Variants in APLF observed in about 807,000 individuals in gnomAD.
APLF encodes the protein aprataxin and PNK-like factor.
A neutral mutation model predicts 55.6 loss-of-function variants in APLF; 61 were observed. That is an observed-to-expected ratio of 1.10 (90% CI 0.89 to 1.36). The LOEUF is 1.36. Ranked by LOEUF, APLF falls within the 40% of genes most tolerant of loss-of-function variation. The pLI is 0.00. For synonymous variants in APLF, 207 were observed against 214.8 expected (o/e 0.96, Z 0.32); for missense variants, 611 against 602.5 (o/e 1.01, Z -0.15).
chr2:68,539,632 A>G (rs1217797257), intron 7 of APLF, among the ~76,000 whole-genome samples: 1 of 152,244 alleles, frequency 6.6e-6, no homozygotes, highest in African/African-American at 2.4e-5. Context: ...ACTTCATAAC[A>G]CAATTTAAAA....
intron 7 of APLF, among the ~76,000 whole-genome samples, chr2:68,539,204 A>G (rs1251236655): frequency 6.6e-6 from 1 of 152,216 alleles, no homozygotes; most frequent in South Asian, 2.1e-4. Flanking sequence ...CCATAATGTA[A>G]AAACTTGCAG....
At chr2:68,549,770 A>G (rs1205113950) in intron 8 of APLF, among the ~76,000 whole-genome samples, 1 of 152,152 alleles carries the variant, frequency 6.6e-6, no homozygotes, top group Non-Finnish European at 1.5e-5. Flanking sequence ...CTATGATTAT[A>G]GGTTTGTTTA....
chr2:68,512,812 T>C (rs1000583531), intron 3 of APLF, among the ~76,000 whole-genome samples: 66 of 151,884 alleles, frequency 4.3e-4, no homozygotes, highest in African/African-American at 1.5e-3. Flanking sequence ...AATAAAGAGC[T>C]CTTAAGCCTT....
chr2:68,561,974 A>G (rs1419379962), intron 8 of APLF, among the ~76,000 whole-genome samples: 3 of 152,050 alleles, frequency 2.0e-5, no homozygotes, highest in African/African-American at 7.2e-5. Context: ...TGTGTTGCAA[A>G]TGATGGAATC....
At chr2:68,516,939 A>G (rs1002754825) in intron 5 of APLF, among the ~76,000 whole-genome samples, 19 of 124,088 alleles carry the variant, frequency 1.5e-4, no homozygotes, top group Non-Finnish European at 2.4e-4. Context: ...AATATATAAT[A>G]TAATATATAT....
chr2:68,513,756 CTA>C lies in APLF; in HGVS notation c.622+79_622+80del, dbSNP rs1004311322. On this transcript the variant is annotated intron_variant, in intron 5 of 9. Transcript: ENST00000303795. ...ATTTGAAAGCTTTTCTGAAGAAAAA[CTA>C]TAAACTAGTTCTATAGAGATAGAGT... 5.1e-5 allele frequency: 78 copies of C among 1,515,366 alleles called. No individual in the cohort carries two copies. In the African/African-American group the frequency reaches 9.7e-4, roughly 19 times the overall value. 93.9% of individuals were successfully genotyped at this position (1,515,366 alleles called of 1,614,324 possible). A position where few individuals can be genotyped will look rare whatever the true frequency, so the allele number is the denominator to read the frequency against.
At chr2:68,473,993 C>T (rs1320225111) in intron 1 of APLF, among the ~76,000 whole-genome samples, 1 of 152,202 alleles carries the variant, frequency 6.6e-6, no homozygotes, top group African/African-American at 2.4e-5. Context: ...TTTACCTGTG[C>T]TTCTGAACCA....
chr2:68,550,509 T>A, intron 8 of APLF, among the ~76,000 whole-genome samples: 1 of 152,000 alleles, frequency 6.6e-6, no homozygotes, highest in Non-Finnish European at 1.5e-5. Flanking sequence ...TGGGATTACA[T>A]GCGTGAGCCA....
At chr2:68,525,556 G>A (rs569260157) in intron 5 of APLF, among the ~76,000 whole-genome samples, 12 of 152,028 alleles carry the variant, frequency 7.9e-5, no homozygotes, top group South Asian at 2.1e-4. Context: ...AGAAAGGTGC[G>A]ATGAAATAGT....
intron 1 of APLF, among the ~76,000 whole-genome samples, chr2:68,478,023 G>A (rs1675833196): frequency 6.6e-6 from 1 of 151,856 alleles, no homozygotes; most frequent in Non-Finnish European, 1.5e-5. Context: ...AAAAGGTGAT[G>A]TCTCATGAGT....
intron 2 of APLF, among the ~76,000 whole-genome samples, chr2:68,496,560 G>C (rs1214815940): frequency 6.6e-6 from 1 of 152,190 alleles, no homozygotes; most frequent in African/African-American, 2.4e-5. Context: ...TTGAATATGT[G>C]TTGCAACTTT....
In APLF at chr2:68,579,353, A is replaced by G. The variant is rs945452281; in HGVS notation, c.*1331A>G. The G allele has an allele frequency of 3.0e-5, 29 of 974,412 alleles. No individual in the cohort carries two copies. Among genetic ancestry groups the G allele is most frequent in the Non-Finnish European group, 6.1e-6 (5 of 820,010 alleles). 60.4% of individuals were successfully genotyped at this position (974,412 alleles called of 1,614,324 possible). On this transcript the variant is annotated 3_prime_UTR_variant, in exon 10 of 10. Transcript: ENST00000303795. The stretch of plus-strand genomic sequence containing the variant: ...CTTATAATGTCCCTTTAGCCTTGGT[A>G]GTATAACAAATCTACGAATGTAATA...
intron 5 of APLF, among the ~76,000 whole-genome samples, chr2:68,517,747 A>G (rs1418322814): frequency 6.9e-6 from 1 of 145,280 alleles, no homozygotes; most frequent in Non-Finnish European, 1.5e-5. Flanking sequence ...TATATCACTA[A>G]TATCTACTGT....
At chr2:68,550,285 G>T (rs1670820835) in intron 8 of APLF, among the ~76,000 whole-genome samples, 1 of 152,104 alleles carries the variant, frequency 6.6e-6, no homozygotes, top group African/African-American at 2.4e-5. Flanking sequence ...AGGCTGGGGT[G>T]CAGTGGCGCA....
intron 5 of APLF, among the ~76,000 whole-genome samples, chr2:68,518,768 T>C (rs1405225095): frequency 9.0e-6 from 1 of 110,854 alleles, no homozygotes; most frequent in Non-Finnish European, 1.6e-5. Flanking sequence ...AAAATATTAA[T>C]AATATATCAT....
At chr2:68,566,832 T>C (rs1326684052) in intron 8 of APLF, among the ~76,000 whole-genome samples, 1 of 152,144 alleles carries the variant, frequency 6.6e-6, no homozygotes, top group Non-Finnish European at 1.5e-5. Flanking sequence ...GACTTCAGAA[T>C]ATGTTATCTG....
chr2:68,469,417 G>A (rs1462928130), intron 1 of APLF, among the ~76,000 whole-genome samples: 1 of 152,110 alleles, frequency 6.6e-6, no homozygotes, highest in Non-Finnish European at 1.5e-5. Context: ...TGTTCTTTGT[G>A]TTGTCGACTT....
At chr2:68,565,705 A>G (rs1386548968) in intron 8 of APLF, among the ~76,000 whole-genome samples, 1 of 152,130 alleles carries the variant, frequency 6.6e-6, no homozygotes, top group African/African-American at 2.4e-5. Context: ...CACGGAGGAA[A>G]AAATGCAATA....
Position 68,577,903 on chromosome 2 carries a change from G to A in APLF, c.1417G>A (p.Glu473Lys). The change falls in exon 10 of 10, where the codon GAA becomes AAA. Residue 473 changes from glutamate (E) to lysine (K), a missense_variant. Transcript: ENST00000303795. Reference sequence around the variant, plus strand: ...GAACGACAGCTTTCTAGATGATGAGGAAGAAGACTATGAGCCAACAGATGA... The same window carrying A: ...GAACGACAGCTTTCTAGATGATGAGAAAGAAGACTATGAGCCAACAGATGA... ...DLNDSFLDDE[E>K]EDYEPTDEDS... 2 of 1,613,644 alleles carry A rather than the reference G, an allele frequency of 1.2e-6. No individual in the cohort carries two copies. The highest frequency in any genetic ancestry group is 1.7e-6 in the Non-Finnish European group (2 of 1,179,718).
Sources: gnomAD v4.1 joint callset for allele counts (sites outside exome capture counted in the v4.1 genomes callset) on GRCh38, gnomAD v4.1.1 for gene constraint, MANE v1.5 for transcripts, NCBI Gene and HGNC (gene_info 2026-07-23, HGNC 2026-07-21) for gene names.